DYM: variants seen among roughly 807,000 people sequenced by gnomAD.
DYM encodes the protein dymeclin.
Under a neutral mutation model 93.1 loss-of-function variants are expected in DYM, and 78 were observed. The observed-to-expected ratio is 0.84, with a 90% CI of 0.70 to 1.01. The LOEUF is 1.01. DYM is among the 50% of genes least tolerant of loss of function. DYM has a pLI of 0.00. For missense variants in DYM, 789 were observed against 845.0 expected, an observed-to-expected ratio of 0.93 and a Z score of 0.82; for synonymous variants, 321 against 319.7, an observed-to-expected ratio of 1.00 and a Z score of -0.04.
intron 9 of DYM, 26 bp from the exon 10 acceptor site, chr18:49,282,201 G>A (rs767744707): frequency 1.3e-6 from 2 of 1,590,608 alleles, no homozygotes; most frequent in Non-Finnish European, 8.6e-7. Flanking sequence ...CAGCACATCA[G>A]TAATTTCTAG....
chr18:49,459,923 G>C lies in DYM; in HGVS notation c.-54+475C>G, dbSNP rs1019480593. On this transcript the variant is annotated intron_variant, in intron 1 of 17. Transcript: ENST00000675505. ...GGGTACGAGCTTCTTTGGGGCGGGGGGGGCGGTGATTAAAAATGCTCTGGA... is the reference window on the plus strand; with the variant it reads ...GGGTACGAGCTTCTTTGGGGCGGGGCGGGCGGTGATTAAAAATGCTCTGGA... 1.1e-4 allele frequency among the ~76,000 whole-genome samples: 16 copies of C among 146,572 alleles called. 1 individual carries two copies. Among genetic ancestry groups the C allele is most frequent in the East Asian group, 7.1e-4 (3 of 4,212 alleles).
intron 17 of DYM, among the ~76,000 whole-genome samples, chr18:49,079,606 C>T (rs1250193734): frequency 1.3e-5 from 2 of 151,682 alleles, no homozygotes; most frequent in Non-Finnish European, 2.9e-5. Flanking sequence ...GGTGATGACT[C>T]TTAACGAGCA....
intron 16 of DYM, among the ~76,000 whole-genome samples, chr18:49,097,824 G>A (rs577491022): frequency 5.9e-5 from 9 of 151,720 alleles, no homozygotes; most frequent in African/African-American, 2.2e-4. Context: ...ACAGAAAGTC[G>A]GGAGAGAAAG....
intron 13 of DYM, among the ~76,000 whole-genome samples, chr18:49,220,602 A>G (rs1408734489): frequency 6.6e-6 from 1 of 152,012 alleles, no homozygotes; most frequent in African/African-American, 2.4e-5. Flanking sequence ...ATAATGCCGC[A>G]TATCTACAAC....
chr18:49,419,349 ACT>A (rs1282424580), intron 2 of DYM, among the ~76,000 whole-genome samples: 2 of 152,066 alleles, frequency 1.3e-5, no homozygotes, highest in Non-Finnish European at 2.9e-5. Flanking sequence ...ACAGAGCAAG[ACT>A]CTGTCTCAAA....
intron 13 of DYM, among the ~76,000 whole-genome samples, chr18:49,254,280 T>TCATATATA: frequency 9.4e-6 from 1 of 106,426 alleles, no homozygotes; most frequent in Non-Finnish European, 1.8e-5. Flanking sequence ...GATCCTTGTA[T>TCATATATA]CATATATATA....
At chr18:49,377,461 G>A (rs2067607509) in intron 5 of DYM, among the ~76,000 whole-genome samples, 1 of 152,144 alleles carries the variant, frequency 6.6e-6, no homozygotes, top group East Asian at 1.9e-4. Context: ...TCAGGAGGCT[G>A]AGACAGGAGA....
intron 2 of DYM, among the ~76,000 whole-genome samples, 176 bp downstream of exon 2, chr18:49,430,079 G>A (rs2074663348): frequency 1.3e-5 from 2 of 152,038 alleles, no homozygotes; most frequent in Non-Finnish European, 2.9e-5. Flanking sequence ...TACTGAGTTG[G>A]GTAAAAAGAA....
intron 17 of DYM, among the ~76,000 whole-genome samples, chr18:49,061,703 T>C (rs560016434): frequency 2.8e-4 from 42 of 152,292 alleles, no homozygotes; most frequent in Middle Eastern, 3.4e-3. Flanking sequence ...AGAGGAGAGC[T>C]GGCAGTGCCA....
Position 49,069,966 on chromosome 18 carries a change from G to T in DYM, c.2026-25762C>A, listed in dbSNP as rs572639200. 2.0e-5 allele frequency among the ~76,000 whole-genome samples: 3 copies of T among 152,272 alleles called. No individual in the cohort carries two copies. In the East Asian group the frequency reaches 5.8e-4, roughly 29 times the overall value. On this transcript the variant is annotated intron_variant, in intron 17 of 17. Coordinates refer to ENST00000675505, the MANE Select transcript of DYM (RefSeq NM_001353214.3). ...TGAGGCAGGAGAATTGCCTGAACCC[G>T]GGGGGTGCAGGTTGTGGTGAGCCAA... is the stretch of plus-strand genomic sequence containing the variant.
At chr18:49,204,771 T>C (rs1214250906) in intron 14 of DYM, among the ~76,000 whole-genome samples, 4 of 152,202 alleles carry the variant, frequency 2.6e-5, no homozygotes, top group South Asian at 2.1e-4. Context: ...TAGCAATGAA[T>C]TGAAATTCTC....
intron 17 of DYM, among the ~76,000 whole-genome samples, chr18:49,053,153 G>C (rs1393305601): frequency 6.6e-6 from 1 of 152,178 alleles, no homozygotes; most frequent in Non-Finnish European, 1.5e-5. Flanking sequence ...ACCTACCACA[G>C]TGGGACATCC....
intron 16 of DYM, among the ~76,000 whole-genome samples, chr18:49,110,153 T>C (rs1032489598): frequency 2.6e-5 from 4 of 152,210 alleles, no homozygotes; most frequent in African/African-American, 9.6e-5. Flanking sequence ...AGTAGAATAA[T>C]TGTGATAGGG....
chr18:49,184,496 G>A (rs558058104), intron 14 of DYM, among the ~76,000 whole-genome samples: 1 of 152,244 alleles, frequency 6.6e-6, no homozygotes, highest in South Asian at 2.1e-4. Context: ...CAGCAATACA[G>A]TATTCCCCCC....
At chr18:49,141,340 C>G (rs1568484283) in intron 15 of DYM, among the ~76,000 whole-genome samples, 1 of 152,160 alleles carries the variant, frequency 6.6e-6, no homozygotes, top group Admixed American at 6.5e-5. Context: ...TACTCTAGTG[C>G]CCAAAATCCT....
chr18:49,113,481 C>G (rs143167227), intron 16 of DYM, among the ~76,000 whole-genome samples: 1 of 152,188 alleles, frequency 6.6e-6, no homozygotes, highest in Non-Finnish European at 1.5e-5. Context: ...CTTCTGCAGA[C>G]GTTAAAAGTG....
intron 6 of DYM, among the ~76,000 whole-genome samples, chr18:49,349,387 AAAATT>A (rs1225952193): frequency 6.6e-6 from 1 of 152,246 alleles, no homozygotes. Context: ...CTTAAAAACA[AAAATT>A]AAGATAGACT....
At position 49,043,132 on chromosome 18, in the gene DYM, CTT is replaced by C. The variant is rs912870906; in HGVS notation, c.*921_*922del. 1.9e-4 allele frequency: 27 copies of C among 142,864 alleles called. No homozygotes were observed. The highest frequency in any genetic ancestry group is 2.8e-4 in the Admixed American group (4 of 14,292). The allele number at this position is 142,864 out of a possible 1,614,324, so 8.8% of individuals were successfully genotyped here. A position where few individuals can be genotyped will look rare whatever the true frequency, so the allele number is the denominator to read the frequency against. Reference sequence around the variant, plus strand: ...TAGCCATTTTCTTTTTCTTTTCTTTCTTTTTTTTTTTTTGCGAGACAGGGTCT... The same window carrying C: ...TAGCCATTTTCTTTTTCTTTTCTTTCTTTTTTTTTTTGCGAGACAGGGTCT... On this transcript the variant is annotated 3_prime_UTR_variant, in exon 18 of 18. Coordinates refer to ENST00000675505, the MANE Select transcript of DYM (RefSeq NM_001353214.3).
Position 49,327,094 on chromosome 18 carries a change from A to C in DYM, c.763+4770T>G, listed in dbSNP as rs528844330. Among the ~76,000 whole-genome samples, 115 of 151,328 alleles carry C rather than the reference A, an allele frequency of 7.6e-4. 1 individual carries two copies. Among genetic ancestry groups the C allele is most frequent in the African/African-American group, 2.7e-3 (113 of 41,424 alleles). ...GAGAGAAGAAAGTACAGAATGAGAC[A>C]GAAGAGGAGAAAAAACACAACAAAT... On this transcript the variant is annotated intron_variant, in intron 8 of 17. Transcript: ENST00000675505.
Sources: allele counts gnomAD v4.1 joint callset (sites outside exome capture counted in the v4.1 genomes callset), GRCh38; gene constraint gnomAD v4.1.1; transcripts MANE v1.5; gene names NCBI Gene and HGNC (gene_info 2026-07-23, HGNC 2026-07-21).